The following WDR64 variants were observed in gnomAD, a reference collection of about 807,000 sequenced individuals.
The protein encoded by WDR64 is WD repeat domain 64, also known as WD repeat-containing protein 64.
A neutral mutation model predicts 139.3 loss-of-function variants in WDR64; 112 were observed. The observed-to-expected ratio is 0.80, with a 90% CI of 0.69 to 0.94. The LOEUF is 0.94. Among genes scored for constraint, WDR64 ranks in the 40% least tolerant of loss-of-function variants. WDR64 has a pLI of 0.00. For synonymous variants in WDR64, 444 were observed against 437.7 expected, an observed-to-expected ratio of 1.01 and a Z score of -0.18; for missense variants, 1,206 against 1,293.1, an observed-to-expected ratio of 0.93 and a Z score of 1.03.
intron 15 of WDR64, among the ~76,000 whole-genome samples, chr1:241,759,018 T>C (rs1306433946): frequency 6.6e-6 from 1 of 152,132 alleles, no homozygotes; most frequent in Non-Finnish European, 1.5e-5. Context: ...TATATCTTTC[T>C]CTCGGAAAAT....
At chr1:241,662,723 T>G (rs1268436777) in intron 2 of WDR64, among the ~76,000 whole-genome samples, 1 of 152,160 alleles carries the variant, frequency 6.6e-6, no homozygotes, top group Non-Finnish European at 1.5e-5. Flanking sequence ...CATTTTAGAA[T>G]AGGTCCACCA....
At chr1:241,737,603 G>C (rs2148235043) in intron 10 of WDR64, among the ~76,000 whole-genome samples, 1 of 152,190 alleles carries the variant, frequency 6.6e-6, no homozygotes, top group Admixed American at 6.5e-5. Context: ...TGTAATTATT[G>C]ATCAATCAAC....
At chr1:241,783,611 C>A (rs1313573970) in intron 23 of WDR64, among the ~76,000 whole-genome samples, 1 of 152,148 alleles carries the variant, frequency 6.6e-6, no homozygotes, top group Admixed American at 6.6e-5. Context: ...AAAGGTATCA[C>A]AAATGCTTTT....
At chr1:241,776,016 T>A (rs377254493) in intron 21 of WDR64, among the ~76,000 whole-genome samples, 1 of 151,444 alleles carries the variant, frequency 6.6e-6, no homozygotes, top group Non-Finnish European at 1.5e-5. Context: ...TTAATTTTCA[T>A]ACTTAAGTTT....
chr1:241,752,596 T>C (rs896699488), intron 14 of WDR64, among the ~76,000 whole-genome samples: 8 of 152,218 alleles, frequency 5.3e-5, no homozygotes, highest in African/African-American at 1.9e-4. Flanking sequence ...ATGCCTGTGA[T>C]CTCAGCACTT....
intron 15 of WDR64, among the ~76,000 whole-genome samples, chr1:241,763,582 G>A (rs1658018584): frequency 6.6e-6 from 1 of 152,138 alleles, no homozygotes; most frequent in Non-Finnish European, 1.5e-5. Flanking sequence ...GCGTACGCCT[G>A]TAATCCTAGC....
chr1:241,716,287 G>GA (rs10696205), intron 9 of WDR64, among the ~76,000 whole-genome samples: 49,977 of 145,190 alleles, frequency 0.34, 9,259 homozygotes, highest in African/African-American at 0.5. Context: ...GCTTTTGCAG[G>GA]AAAAAAAAAA....
rs1670234981 is a variant in WDR64, at chr1:241,757,335, T to C, written c.1823T>C (p.Val608Ala). ...GTGATCTGGGAGCTGCCTGATGTTG[T>C]GCCTTTCCTACAAGATGGGAAACAT... ...LMVIWELPDV[V>A]PFLQDGKHAV... Residue 608 changes from valine (V) to alanine (A), a missense_variant, in exon 15 of 28, where the codon GTG becomes GCG. Transcript: ENST00000437684. 1 of 1,614,004 alleles carries C rather than the reference T, an allele frequency of 6.2e-7. No individual in the cohort carries two copies. The highest frequency in any genetic ancestry group is 2.2e-5 in the East Asian group (1 of 44,882).
At chr1:241,769,640 A>C in intron 17 of WDR64, 135 bp downstream of exon 17, 1 of 765,056 alleles carries the variant, frequency 1.3e-6, no homozygotes, top group Admixed American at 2.7e-5. Flanking sequence ...GCATTAAAGA[A>C]GGGACCACTG....
At chr1:241,737,911 T>C (rs1040496775) in intron 10 of WDR64, among the ~76,000 whole-genome samples, 1 of 152,204 alleles carries the variant, frequency 6.6e-6, no homozygotes, top group Non-Finnish European at 1.5e-5. Context: ...AGGGAGGTTT[T>C]TAGTAACTTC....
chr1:241,737,447 T>A (rs1669372920), intron 10 of WDR64, among the ~76,000 whole-genome samples: 1 of 152,236 alleles, frequency 6.6e-6, no homozygotes, highest in Non-Finnish European at 1.5e-5. Flanking sequence ...AAGTTTTACA[T>A]GTAGTTCTGT....
chr1:241,692,352 G>T (rs1667334440), intron 8 of WDR64, among the ~76,000 whole-genome samples: 1 of 152,136 alleles, frequency 6.6e-6, no homozygotes, highest in Non-Finnish European at 1.5e-5. Flanking sequence ...TCACAATAAT[G>T]AAGAGGAAGA....
At chr1:241,721,902 C>G (rs1422043643) in intron 9 of WDR64, among the ~76,000 whole-genome samples, 1 of 152,110 alleles carries the variant, frequency 6.6e-6, no homozygotes, top group African/African-American at 2.4e-5. Flanking sequence ...AAAATCAGCT[C>G]TCAGAATTCA....
At chr1:241,759,506 T>C (rs1051680010) in intron 15 of WDR64, among the ~76,000 whole-genome samples, 2 of 152,210 alleles carry the variant, frequency 1.3e-5, no homozygotes, top group Non-Finnish European at 2.9e-5. Context: ...TCTTAACCTA[T>C]AGTTCTTTTT....
Position 241,679,800 on chromosome 1 carries a change from C to A in WDR64, c.624+205C>A, listed in dbSNP as rs151215222. Among the ~76,000 whole-genome samples the A allele has an allele frequency of 3.3e-5, 5 of 152,216 alleles. No homozygotes were observed. The East Asian group carries it at 9.7e-4, about 29-fold the overall frequency. On this transcript the variant is annotated intron_variant, in intron 6 of 27. Coordinates refer to ENST00000437684, the MANE Select transcript of WDR64 (RefSeq NM_001367482.1). The stretch of plus-strand genomic sequence containing the variant: ...CTTTTCATTTAGTGTATATTTAGTT[C>A]AGTGGCGGTTGGGTTGTTTTTGAGA...
At chr1:241,749,810 C>T (rs1669913955) in intron 14 of WDR64, 88 bp downstream of exon 14, 1 of 1,394,832 alleles carries the variant, frequency 7.2e-7, no homozygotes, top group Non-Finnish European at 9.9e-7. Flanking sequence ...CATGTAACCC[C>T]GCTCTTGGTA....
chr1:241,794,502 C>CTTTTTT (rs1659299229), intron 25 of WDR64, among the ~76,000 whole-genome samples: 4 of 105,018 alleles, frequency 3.8e-5, no homozygotes, highest in East Asian at 3.0e-4. Flanking sequence ...TTAAGCTTTA[C>CTTTTTT]TGTTTTTTTT....
intron 21 of WDR64, among the ~76,000 whole-genome samples, chr1:241,779,586 G>A (rs1392971404): frequency 1.3e-5 from 2 of 152,128 alleles, no homozygotes; most frequent in Admixed American, 1.3e-4. Flanking sequence ...AGCACTTTAG[G>A]AGGCCAAGGC....
intron 1 of WDR64, among the ~76,000 whole-genome samples, chr1:241,658,638 CAAAA>C (rs56278786): frequency 1.2e-4 from 10 of 83,768 alleles, no homozygotes; most frequent in South Asian, 3.6e-4. Context: ...GATCCTGTCT[CAAAA>C]AAAAAAAAAA....
Sources: allele counts gnomAD v4.1 joint callset (sites outside exome capture counted in the v4.1 genomes callset), GRCh38; gene constraint gnomAD v4.1.1; transcripts MANE v1.5; gene names NCBI Gene and HGNC (gene_info 2026-07-23, HGNC 2026-07-21).